The following PACSIN2 variants were observed in gnomAD, a reference collection of about 807,000 sequenced individuals.
The protein encoded by PACSIN2 is protein kinase C and casein kinase substrate in neurons protein 2.
In PACSIN2, 25 loss-of-function variants were observed where a neutral mutation model predicts 63.8. That is an observed-to-expected ratio of 0.39 (90% CI 0.29 to 0.55). The LOEUF is 0.55. Among genes scored for constraint, PACSIN2 ranks in the 20% least tolerant of loss-of-function variants. The probability of loss-of-function intolerance (pLI) is 0.62; values close to 1 mark genes in which losing one functional copy is unlikely to be tolerated. For missense variants in PACSIN2, 518 were observed against 646.9 expected (o/e 0.80, Z 2.16); for synonymous variants, 255 against 256.2 (o/e 1.00, Z 0.05).
intron 1 of PACSIN2, among the ~76,000 whole-genome samples, chr22:42,931,580 T>C (rs1037396298): frequency 4.6e-5 from 7 of 152,174 alleles, no homozygotes; most frequent in Non-Finnish European, 7.3e-5. Context: ...ATGGCTGCCC[T>C]GAAACAGGAA....
At chr22:42,917,850 C>T (rs1038224601) in intron 1 of PACSIN2, among the ~76,000 whole-genome samples, 1 of 152,030 alleles carries the variant, frequency 6.6e-6, no homozygotes, top group Admixed American at 6.6e-5. Flanking sequence ...GCCTTTAACT[C>T]CTGGGCTCAA....
intron 1 of PACSIN2, among the ~76,000 whole-genome samples, chr22:43,012,021 T>C (rs1170219957): frequency 1.3e-5 from 2 of 152,124 alleles, no homozygotes; most frequent in African/African-American, 4.8e-5. Context: ...GGTGGATGCC[T>C]GTAGTCCCAG....
chr22:42,874,490 C>A (rs1034601212), intron 10 of PACSIN2, among the ~76,000 whole-genome samples: 4 of 152,180 alleles, frequency 2.6e-5, no homozygotes, highest in African/African-American at 9.6e-5. Context: ...TTGGTGTGTG[C>A]ATGGTAGGTG....
intron 1 of PACSIN2, among the ~76,000 whole-genome samples, chr22:42,930,082 G>A (rs1025553854): frequency 1.3e-5 from 2 of 152,196 alleles, no homozygotes; most frequent in African/African-American, 4.8e-5. Flanking sequence ...TGTTAAATAT[G>A]AATGCCATGC....
intron 6 of PACSIN2, among the ~76,000 whole-genome samples, chr22:42,882,732 T>C (rs1018080608): frequency 3.9e-5 from 6 of 152,210 alleles, no homozygotes; most frequent in South Asian, 2.1e-4. Flanking sequence ...AGCGTGAAGA[T>C]GACCCGGTGC....
At chr22:42,922,365 C>T (rs1310765600) in intron 1 of PACSIN2, among the ~76,000 whole-genome samples, 2 of 152,280 alleles carry the variant, frequency 1.3e-5, no homozygotes, top group Admixed American at 1.3e-4. Flanking sequence ...AAGAACAGGT[C>T]ATTTTTTAGG....
chr22:42,881,230 G>A (rs573362211), intron 7 of PACSIN2, among the ~76,000 whole-genome samples: 1 of 152,362 alleles, frequency 6.6e-6, no homozygotes, highest in Non-Finnish European at 1.5e-5. Context: ...AGGCGCCCAG[G>A]AGGTTTCTGA....
intron 1 of PACSIN2, among the ~76,000 whole-genome samples, chr22:42,931,270 G>A (rs1376242184): frequency 6.6e-6 from 1 of 152,222 alleles, no homozygotes; most frequent in East Asian, 1.9e-4. Flanking sequence ...GGTAACCAGG[G>A]GCACGTTACT....
intron 9 of PACSIN2, 132 bp downstream of exon 9, chr22:42,876,756 G>A: frequency 7.5e-6 from 9 of 1,193,252 alleles, no homozygotes; most frequent in Non-Finnish European, 8.5e-6. Flanking sequence ...CCAGGGTGCG[G>A]CACGCCAGGT....
chr22:42,991,080 A>C (rs1923006577), intron 1 of PACSIN2, among the ~76,000 whole-genome samples: 1 of 152,126 alleles, frequency 6.6e-6, no homozygotes, highest in Non-Finnish European at 1.5e-5. Context: ...TAGTGCTAGG[A>C]CTAGTAGTAC....
intron 2 of PACSIN2, among the ~76,000 whole-genome samples, chr22:42,904,866 G>A (rs150894529): frequency 2.2e-4 from 33 of 152,248 alleles, no homozygotes; most frequent in Non-Finnish European, 2.5e-4. Context: ...GGGCACCCCA[G>A]CTCCGCCCCC....
At chr22:42,893,344 G>C (rs1930047532) in intron 3 of PACSIN2, 113 bp downstream of exon 3, 1 of 1,120,106 alleles carries the variant, frequency 8.9e-7, no homozygotes, top group East Asian at 2.4e-5. Flanking sequence ...ATGCACTCTT[G>C]CCCCAATCTT....
intron 1 of PACSIN2, among the ~76,000 whole-genome samples, chr22:42,923,470 C>T (rs1932327630): frequency 6.6e-6 from 1 of 152,170 alleles, no homozygotes; most frequent in African/African-American, 2.4e-5. Flanking sequence ...CTCTGTTGCC[C>T]AGGCTGGAGT....
chr22:42,973,584 C>G (rs1921479148), intron 1 of PACSIN2, among the ~76,000 whole-genome samples: 1 of 152,358 alleles, frequency 6.6e-6, no homozygotes, highest in Middle Eastern at 3.4e-3. Flanking sequence ...CTGCAAAGCT[C>G]GCAAGCAAGC....
intron 1 of PACSIN2, among the ~76,000 whole-genome samples, chr22:42,919,556 T>C (rs1008615779): frequency 3.3e-5 from 5 of 151,866 alleles, no homozygotes; most frequent in Non-Finnish European, 7.4e-5. Flanking sequence ...AGGCAGATCA[T>C]GAGGTCAGGA....
intron 1 of PACSIN2, among the ~76,000 whole-genome samples, chr22:42,984,918 C>T (rs1922500277): frequency 6.6e-6 from 1 of 152,166 alleles, no homozygotes; most frequent in Non-Finnish European, 1.5e-5. Flanking sequence ...TAGGCCCCAC[C>T]CCTAGTTTTT....
At position 42,871,640 on chromosome 22, in the gene PACSIN2, T is replaced by G. The variant is rs1928140116; in HGVS notation, c.1349-171A>C. Among the ~76,000 whole-genome samples, 1 of 152,058 alleles carries G rather than the reference T, an allele frequency of 6.6e-6. No homozygotes were observed. Among genetic ancestry groups the G allele is most frequent in the Non-Finnish European group, 1.5e-5 (1 of 68,016 alleles). On this transcript the variant is annotated intron_variant, in intron 10 of 10. Coordinates refer to ENST00000263246, the MANE Select transcript of PACSIN2 (RefSeq NM_001184970.3). The surrounding 1 kb of genome is among the most constrained non-coding windows in gnomAD (Gnocchi z 5.4). ...CTAAATGCATGCATTTTAAGTTGCC[T>G]CTTTGGTCATGGGCCTCTGACAGAC...
chr22:42,933,988 G>C (rs1932836785), intron 1 of PACSIN2, among the ~76,000 whole-genome samples: 1 of 152,182 alleles, frequency 6.6e-6, no homozygotes, highest in Admixed American at 6.5e-5. Flanking sequence ...CCAGTGAAAA[G>C]CTACAATGAC....
intron 1 of PACSIN2, among the ~76,000 whole-genome samples, chr22:43,010,398 A>ATATATATATATATATATATATAT: frequency 1.3e-3 from 159 of 126,362 alleles, no homozygotes; most frequent in Middle Eastern, 4.1e-3. Flanking sequence ...ATATATATAT[A>ATATATATATATATATATATATAT]TTTTTTTTTA....
Sources: allele counts gnomAD v4.1 joint callset (sites outside exome capture counted in the v4.1 genomes callset), GRCh38; gene constraint gnomAD v4.1.1; non-coding constraint Gnocchi (gnomAD v3.1); transcripts MANE v1.5; gene names NCBI Gene and HGNC (gene_info 2026-07-23, HGNC 2026-07-21).